The following LACTB variants were observed in gnomAD, a reference collection of about 807,000 sequenced individuals.
LACTB encodes the protein lactamase beta.
LACTB carries 35 observed loss-of-function variants against 50.2 expected under a neutral mutation model. The observed-to-expected ratio is 0.70, with a 90% confidence interval of 0.53 to 0.92. The LOEUF is 0.92. Ranked by LOEUF, LACTB falls within the 40% of genes least tolerant of loss-of-function variation. The pLI is 0.00. For synonymous variants in LACTB, 252 were observed against 268.2 expected, an observed-to-expected ratio of 0.94 and a Z score of 0.59; for missense variants, 664 against 691.8, an observed-to-expected ratio of 0.96 and a Z score of 0.45.
chr15:63,126,439 G>A (rs1199136955), intron 2 of LACTB, among the ~76,000 whole-genome samples: 5 of 152,198 alleles, frequency 3.3e-5, no homozygotes, highest in African/African-American at 1.2e-4. Context: ...ACCATGCCCG[G>A]CCCACACTTA....
At chr15:63,141,157 G>C in intron 5 of LACTB, 123 bp from the exon 6 acceptor site, 1 of 1,440,938 alleles carries the variant, frequency 6.9e-7, no homozygotes, top group Non-Finnish European at 9.1e-7. Flanking sequence ...TTAGTTTATA[G>C]TTTCTGAGAA....
At chr15:63,127,835 G>T (rs2037074741) in intron 4 of LACTB, 146 bp downstream of exon 4, 2 of 582,158 alleles carry the variant, frequency 3.4e-6, no homozygotes, top group South Asian at 2.7e-5. Context: ...TTTGTCTGTA[G>T]TTTCTAACAA....
chr15:63,141,878 C>A lies in LACTB; in HGVS notation c.*73C>A. On this transcript the variant is annotated 3_prime_UTR_variant, in exon 6 of 6. Transcript: ENST00000261893. ...GAAACATTAAAGTTCCAAAACATGACATTTTTAAGAATAAATTTGAAATAG... is the reference window on the plus strand; with the variant it reads ...GAAACATTAAAGTTCCAAAACATGAAATTTTTAAGAATAAATTTGAAATAG... 4.7e-6 allele frequency: 6 copies of A among 1,268,690 alleles called. No homozygotes were observed. The highest frequency in any genetic ancestry group is 2.4e-5 in the East Asian group (1 of 42,368). 78.6% of individuals were successfully genotyped at this position (1,268,690 alleles called of 1,614,324 possible). A position where few individuals can be genotyped will look rare whatever the true frequency, so the allele number is the denominator to read the frequency against.
intron 5 of LACTB, among the ~76,000 whole-genome samples, chr15:63,136,578 T>C (rs2141077124): frequency 1.3e-5 from 2 of 152,332 alleles, no homozygotes; most frequent in Admixed American, 1.3e-4. Context: ...TTGCTTTATT[T>C]ATTTTATTTG....
intron 5 of LACTB, among the ~76,000 whole-genome samples, chr15:63,134,812 A>ATGTGTG (rs59941185): frequency 0.096 from 14,266 of 148,518 alleles, 1,170 homozygotes; most frequent in East Asian, 0.44. Context: ...TGTGTGTGTG[A>ATGTGTG]TGTGTGTGTG....
In LACTB at chr15:63,129,663, C is replaced by G. The variant is rs747659368; in HGVS notation, c.1118+13C>G. ...ACAATAGAGCAAGGTAAATGAATAC[C>G]TTCTGCTGTGTCTAGCTATATCGCA... is the stretch of plus-strand genomic sequence containing the variant. On this transcript the variant is annotated intron_variant, in intron 5 of 5. Coordinates refer to ENST00000261893, the MANE Select transcript of LACTB (RefSeq NM_032857.5). 6.3e-7 allele frequency: 1 copy of G among 1,576,026 alleles called. No individual in the cohort carries two copies. Among genetic ancestry groups the G allele is most frequent in the Admixed American group, 1.8e-5 (1 of 54,914 alleles).
chr15:63,133,672 G>A (rs2037152383), intron 5 of LACTB, among the ~76,000 whole-genome samples: 1 of 152,060 alleles, frequency 6.6e-6, no homozygotes, highest in South Asian at 2.1e-4. Flanking sequence ...CTATATGAAA[G>A]TGCTAAAAAA....
intron 2 of LACTB, 146 bp downstream of exon 2, chr15:63,122,848 C>T: frequency 3.1e-6 from 2 of 644,788 alleles, no homozygotes; most frequent in South Asian, 1.9e-5. Flanking sequence ...AATAAAGAGT[C>T]AGGTGTTTTT....
intron 5 of LACTB, chr15:63,131,437 CTG>C (rs2037132265): frequency 6.6e-6 from 1 of 152,120 alleles, no homozygotes; most frequent in African/African-American, 2.4e-5. Flanking sequence ...AATAATAAAA[CTG>C]TAACAGTAAA....
intron 5 of LACTB, among the ~76,000 whole-genome samples, chr15:63,135,003 G>A (rs2037163747): frequency 6.6e-6 from 1 of 152,148 alleles, no homozygotes; most frequent in Non-Finnish European, 1.5e-5. Context: ...GTTAATTACT[G>A]ATAGGAATTT....
chr15:63,133,033 C>T (rs1015622081), intron 5 of LACTB, among the ~76,000 whole-genome samples: 17 of 152,046 alleles, frequency 1.1e-4, no homozygotes, highest in African/African-American at 1.9e-4. Flanking sequence ...AAGTTACTTA[C>T]GTAAATTTGA....
At chr15:63,124,140 C>T (rs1466138689) in intron 2 of LACTB, among the ~76,000 whole-genome samples, 1 of 152,244 alleles carries the variant, frequency 6.6e-6, no homozygotes. Flanking sequence ...CTTCTGGTGG[C>T]CCTGTCTGGG....
At chr15:63,135,166 TG>T (rs1031864885) in intron 5 of LACTB, among the ~76,000 whole-genome samples, 1 of 152,184 alleles carries the variant, frequency 6.6e-6, no homozygotes, top group African/African-American at 2.4e-5. Flanking sequence ...GATGAAATGG[TG>T]GCTTTTTTTG....
Position 63,126,994 on chromosome 15 carries a change from T to A in LACTB, c.560T>A (p.Ile187Asn). 1 of 1,613,298 alleles carries A rather than the reference T, an allele frequency of 6.2e-7. No homozygotes were observed. Among genetic ancestry groups the A allele is most frequent in the Non-Finnish European group, 8.5e-7 (1 of 1,179,492 alleles). The change falls in exon 3 of 6, where the codon ATT (isoleucine) becomes AAT (asparagine). Residue 187 changes from isoleucine to asparagine, a missense_variant. Coordinates refer to ENST00000261893, the MANE Select transcript of LACTB (RefSeq NM_032857.5). ...LWEAGKLDLD[I>N]PVQHYVPEFP... The stretch of plus-strand genomic sequence containing the variant: ...GAAGCAGGGAAACTGGATCTTGATA[T>A]TCCAGTACAACATTATGTTCCCGAA...
Position 63,127,346 on chromosome 15 carries a change from C to A in LACTB, c.616-7C>A, listed in dbSNP as rs59027041. Reference sequence around the variant, plus strand: ...TTGTAATTGAATTTTCATGTTTTTACAATTAGGTTTCTGTCACAACAAGAT... The same window carrying A: ...TTGTAATTGAATTTTCATGTTTTTAAAATTAGGTTTCTGTCACAACAAGAT... On this transcript the variant is annotated splice_polypyrimidine_tract_variant and splice_region_variant and intron_variant, in intron 3 of 5. Coordinates refer to ENST00000261893, the MANE Select transcript of LACTB (RefSeq NM_032857.5). 2,512 of 1,531,018 alleles carry A rather than the reference C, an allele frequency of 1.6e-3. 31 individuals carry two copies. In the African/African-American group the frequency reaches 0.031, roughly 19 times the overall value. 94.8% of individuals were successfully genotyped at this position (1,531,018 alleles called of 1,614,324 possible).
chr15:63,126,048 A>G (rs747452379), intron 2 of LACTB: 6 of 151,982 alleles, frequency 3.9e-5, no homozygotes, highest in Non-Finnish European at 8.8e-5. Context: ...CCAAATTTAA[A>G]ATTTTTTCTA....
chr15:63,126,782 A>G, intron 2 of LACTB, 77 bp from the exon 3 acceptor site: 1 of 790,852 alleles, frequency 1.3e-6, no homozygotes, highest in Non-Finnish European at 1.9e-6. Context: ...GTTTAAAGAT[A>G]GTATTATTTC....
intron 5 of LACTB, 147 bp from the exon 6 acceptor site, chr15:63,141,133 C>T (rs2037224183): frequency 7.0e-7 from 1 of 1,425,900 alleles, no homozygotes. Flanking sequence ...CTGAATCATA[C>T]TGAAAATTAG....
At chr15:63,128,352 T>C (rs1223184838) in intron 4 of LACTB, among the ~76,000 whole-genome samples, 1 of 152,208 alleles carries the variant, frequency 6.6e-6, no homozygotes, top group African/African-American at 2.4e-5. Flanking sequence ...ATCCCAGCAC[T>C]TACAGAGGGA....
Sources: allele counts gnomAD v4.1 joint callset (sites outside exome capture counted in the v4.1 genomes callset), GRCh38; gene constraint gnomAD v4.1.1; transcripts MANE v1.5; gene names NCBI Gene and HGNC (gene_info 2026-07-23, HGNC 2026-07-21).